Variants in RSRC1 observed in about 807,000 individuals in gnomAD.
The protein encoded by RSRC1 is serine/Arginine-related protein 53.
RSRC1 carries 39 observed loss-of-function variants against 49.1 expected under a neutral mutation model. The observed-to-expected ratio is 0.79, with a 90% CI of 0.61 to 1.04. The LOEUF is 1.04. RSRC1 is among the 50% of genes least tolerant of loss of function. The pLI, the probability that RSRC1 is intolerant of heterozygous loss-of-function variation, is 0.00. For synonymous variants in RSRC1, 143 were observed against 130.8 expected, an observed-to-expected ratio of 1.09 and a Z score of -0.63; for missense variants, 388 against 402.4, an observed-to-expected ratio of 0.96 and a Z score of 0.31.
intron 7 of RSRC1, among the ~76,000 whole-genome samples, chr3:158,495,034 G>A (rs6788907): frequency 0.2 from 31,144 of 152,062 alleles, 3,724 homozygotes; most frequent in South Asian, 0.29. Flanking sequence ...GACTGGCAGC[G>A]CTGCTTTGTT....
chr3:158,515,507 C>G (rs1181486722), intron 7 of RSRC1, among the ~76,000 whole-genome samples: 2 of 137,002 alleles, frequency 1.5e-5, no homozygotes, highest in African/African-American at 2.9e-5. Context: ...GGTAACCCGA[C>G]CTTTCTCTCT....
intron 4 of RSRC1, among the ~76,000 whole-genome samples, chr3:158,229,384 GTGTA>G (rs1311485057): frequency 1.1e-5 from 1 of 94,958 alleles, no homozygotes; most frequent in East Asian, 4.3e-4. Flanking sequence ...GTGTATGTAT[GTGTA>G]TATATATACA....
chr3:158,135,699 G>C (rs1442097090), intron 3 of RSRC1, among the ~76,000 whole-genome samples: 1 of 151,890 alleles, frequency 6.6e-6, no homozygotes, highest in Non-Finnish European at 1.5e-5. Flanking sequence ...TATTTCAGTG[G>C]TTTAGAATAA....
chr3:158,170,827 T>C (rs1718839704), intron 3 of RSRC1, among the ~76,000 whole-genome samples: 1 of 152,094 alleles, frequency 6.6e-6, no homozygotes, highest in Non-Finnish European at 1.5e-5. Context: ...TCCCCAGCCC[T>C]CCTTTGAAGG....
intron 4 of RSRC1, 108 bp downstream of exon 4, chr3:158,203,353 G>T: frequency 8.7e-7 from 1 of 1,143,184 alleles, no homozygotes; most frequent in South Asian, 2.0e-5. Context: ...TGCTATAAGA[G>T]TAGAAGAAAA....
intron 1 of RSRC1, among the ~76,000 whole-genome samples, chr3:158,115,631 C>T (rs1438233919): frequency 1.3e-5 from 2 of 151,946 alleles, no homozygotes; most frequent in East Asian, 1.9e-4. Flanking sequence ...TGAAAAATAA[C>T]TGTGTTTTCC....
At chr3:158,210,502 G>A (rs1260823269) in intron 4 of RSRC1, among the ~76,000 whole-genome samples, 6 of 147,330 alleles carry the variant, frequency 4.1e-5, no homozygotes, top group Middle Eastern at 3.6e-3. Context: ...GCTTCATACC[G>A]TCAATTTTGT....
chr3:158,145,591 C>T (rs1412604766), intron 3 of RSRC1, among the ~76,000 whole-genome samples: 1 of 152,088 alleles, frequency 6.6e-6, no homozygotes, highest in Non-Finnish European at 1.5e-5. Context: ...ATTCTTTTGG[C>T]TTAGGATTGA....
intron 8 of RSRC1, among the ~76,000 whole-genome samples, chr3:158,538,350 T>C (rs534221107): frequency 2.0e-5 from 3 of 152,046 alleles, no homozygotes; most frequent in Non-Finnish European, 2.9e-5. Context: ...GAACTTTTGA[T>C]AGTTTGCCAC....
In RSRC1 at chr3:158,354,885, T is replaced by TA. The variant is rs1453189306; in HGVS notation, c.561dup (p.Gln188ThrfsTer5). 1 of 1,545,738 alleles carries TA rather than the reference T, an allele frequency of 6.5e-7. No homozygotes were observed. Among genetic ancestry groups the TA allele is most frequent in the Admixed American group, 2.1e-5 (1 of 47,342 alleles). ...CCAGCTGAACAGGCCAAAGCCAGACTACAGCTGGTTCTTGAAGCTGCTGGT... is the reference window on the plus strand; with the variant it reads ...CCAGCTGAACAGGCCAAAGCCAGACTAACAGCTGGTTCTTGAAGCTGCTGGT... On this transcript the variant is annotated frameshift_variant, in exon 6 of 10. Coordinates refer to ENST00000611884, the MANE Select transcript of RSRC1 (RefSeq NM_001271838.2). LOFTEE classifies it high-confidence loss of function.
At chr3:158,144,655 T>C (rs1716965137) in intron 3 of RSRC1, among the ~76,000 whole-genome samples, 2 of 152,224 alleles carry the variant, frequency 1.3e-5, no homozygotes, top group South Asian at 2.1e-4. Flanking sequence ...TACCCAGTAA[T>C]GGGATTGCTG....
chr3:158,381,612 T>A (rs1291075880), intron 6 of RSRC1, among the ~76,000 whole-genome samples: 1 of 152,192 alleles, frequency 6.6e-6, no homozygotes, highest in East Asian at 1.9e-4. Context: ...CTAGGTGGTA[T>A]AACCTACTAC....
intron 4 of RSRC1, among the ~76,000 whole-genome samples, chr3:158,256,899 G>C (rs1167661054): frequency 6.6e-6 from 1 of 152,130 alleles, no homozygotes; most frequent in South Asian, 2.1e-4. Flanking sequence ...TTGTACTTCT[G>C]TGGGATCCAT....
chr3:158,251,816 T>C (rs1724222810), intron 4 of RSRC1, among the ~76,000 whole-genome samples: 2 of 152,236 alleles, frequency 1.3e-5, no homozygotes, highest in Admixed American at 6.5e-5. Context: ...TTTTCTTTTC[T>C]TGTTTGATTG....
chr3:158,148,909 G>T (rs968711225), intron 3 of RSRC1, among the ~76,000 whole-genome samples: 1 of 151,528 alleles, frequency 6.6e-6, no homozygotes, highest in African/African-American at 2.4e-5. Context: ...TCAGCCTCCC[G>T]AGTAGCTGAG....
chr3:158,515,532 T>C (rs899113096), intron 7 of RSRC1, among the ~76,000 whole-genome samples: 6 of 136,498 alleles, frequency 4.4e-5, no homozygotes, highest in Non-Finnish European at 9.5e-5. Context: ...GCCCTTAACA[T>C]TTTTTCCTTC....
intron 7 of RSRC1, among the ~76,000 whole-genome samples, chr3:158,470,321 AACACACACACACACACACACACACAC>A (rs375305594): frequency 7.3e-6 from 1 of 136,848 alleles, no homozygotes; most frequent in East Asian, 2.2e-4. Context: ...TGCTCTTAGA[AACACACACACACACACACACACACAC>A]ACACACACAC....
chr3:158,126,243 A>G (rs1297373113), intron 3 of RSRC1, among the ~76,000 whole-genome samples: 2 of 152,052 alleles, frequency 1.3e-5, no homozygotes, highest in African/African-American at 4.8e-5. Context: ...GGAAGGACTT[A>G]CTGTTGCCAT....
intron 7 of RSRC1, among the ~76,000 whole-genome samples, chr3:158,495,848 T>G (rs984693658): frequency 2.6e-5 from 4 of 152,230 alleles, no homozygotes; most frequent in African/African-American, 9.7e-5. Flanking sequence ...TGACAGAGAC[T>G]TATGGCCTAC....
Sources: gnomAD v4.1 joint callset for allele counts (sites outside exome capture counted in the v4.1 genomes callset) on GRCh38, gnomAD v4.1.1 for gene constraint, MANE v1.5 for transcripts, NCBI Gene and HGNC (gene_info 2026-07-23, HGNC 2026-07-21) for gene names.